Variants in ADGB observed in about 807,000 individuals in gnomAD.
ADGB encodes calpain-7-like protein.
ADGB carries 172 observed loss-of-function variants against 210.5 expected under a neutral mutation model. The observed-to-expected ratio is 0.82, with a 90% confidence interval of 0.72 to 0.93. The LOEUF is 0.93. Ranked by LOEUF, ADGB falls within the 40% of genes least tolerant of loss-of-function variation. ADGB has a pLI of 0.00. For synonymous variants in ADGB, 658 were observed against 662.7 expected (o/e 0.99, Z 0.11); for missense variants, 2,025 against 1,964.8 (o/e 1.03, Z -0.58).
intron 1 of ADGB, among the ~76,000 whole-genome samples, chr6:146,627,051 A>T (rs923305879): frequency 6.6e-6 from 1 of 151,684 alleles, no homozygotes; most frequent in Non-Finnish European, 1.5e-5. Context: ...CTCTCATTTT[A>T]GTTTTTATTT....
intron 2 of ADGB, among the ~76,000 whole-genome samples, chr6:146,641,074 C>T (rs900526706): frequency 6.6e-6 from 1 of 151,852 alleles, no homozygotes; most frequent in Non-Finnish European, 1.5e-5. Flanking sequence ...TTGCAGGATA[C>T]AAATTCAATG....
intron 10 of ADGB, 64 bp from the exon 11 acceptor site, chr6:146,691,052 A>C (rs945573476): frequency 8.7e-6 from 12 of 1,383,596 alleles, no homozygotes; most frequent in Non-Finnish European, 1.0e-5. Context: ...TAGTATTTTT[A>C]CATTGGAAAA....
At chr6:146,641,347 C>G (rs1008708967) in intron 2 of ADGB, among the ~76,000 whole-genome samples, 1 of 151,864 alleles carries the variant, frequency 6.6e-6, no homozygotes, top group Non-Finnish European at 1.5e-5. Flanking sequence ...AGATTCAATG[C>G]TATTCTTATC....
intron 19 of ADGB, among the ~76,000 whole-genome samples, chr6:146,728,013 T>C (rs1157225765): frequency 6.6e-6 from 1 of 152,202 alleles, no homozygotes; most frequent in Non-Finnish European, 1.5e-5. Context: ...ATTTTACTTT[T>C]TTCATGCTGC....
intron 31 of ADGB, 82 bp downstream of exon 31, chr6:146,784,876 C>A: frequency 1.5e-6 from 2 of 1,359,672 alleles, no homozygotes; most frequent in South Asian, 1.5e-5. Context: ...CTGGTAAAAA[C>A]CATATAGCCT....
At chr6:146,680,507 A>G (rs1776143474) in intron 9 of ADGB, among the ~76,000 whole-genome samples, 1 of 152,176 alleles carries the variant, frequency 6.6e-6, no homozygotes, top group African/African-American at 2.4e-5. Context: ...AGGTGAAAAT[A>G]TGTGGTGTCT....
Position 146,715,237 on chromosome 6 carries a change from T to C in ADGB, c.1708-145T>C, listed in dbSNP as rs76642448. The C allele has an allele frequency of 1.2e-4, 79 of 661,374 alleles. No homozygotes were observed. In the African/African-American group the frequency reaches 1.2e-3, roughly 10 times the overall value. The allele number at this position is 661,374 out of a possible 1,614,324, so 41.0% of individuals were successfully genotyped here. A position where few individuals can be genotyped will look rare whatever the true frequency, so the allele number is the denominator to read the frequency against. Reference sequence around the variant, plus strand: ...TTTGACATTTAAAGTTAAAAACAAATTTTTTTGGTAGGTTTTAGTAAATTT... The same window carrying C: ...TTTGACATTTAAAGTTAAAAACAAACTTTTTTGGTAGGTTTTAGTAAATTT... On this transcript the variant is annotated intron_variant, in intron 13 of 35. Coordinates refer to ENST00000397944, the MANE Select transcript of ADGB (RefSeq NM_024694.4).
intron 35 of ADGB, among the ~76,000 whole-genome samples, chr6:146,814,067 A>G (rs1467852747): frequency 6.6e-6 from 1 of 152,102 alleles, no homozygotes; most frequent in Admixed American, 6.5e-5. Flanking sequence ...ATCATCTTCT[A>G]CTTGTGCAAT....
Position 146,716,931 on chromosome 6 carries a change from A to G in ADGB, c.1790A>G (p.Asp597Gly), listed in dbSNP as rs1583603366. Residue 597 changes from aspartate (D) to glycine (G), a missense_variant, in exon 15 of 36, where the codon GAT becomes GGT. By Grantham distance (94) the Asp-to-Gly change is moderately conservative. Coordinates refer to ENST00000397944, the MANE Select transcript of ADGB (RefSeq NM_024694.4). ...GGATTGGGTGATGCTCATCAGAGTG[A>G]TGGATTAAACTTGGAAAGAGAGATA... ...DFGLGDAHQS[D>G]GLNLEREIVS... 1.9e-6 allele frequency: 3 copies of G among 1,551,528 alleles called. No homozygotes were observed. The East Asian group carries it at 7.3e-5, about 38-fold the overall frequency.
intron 20 of ADGB, 133 bp from the exon 21 acceptor site, chr6:146,732,987 T>C: frequency 1.6e-6 from 1 of 644,646 alleles, no homozygotes; most frequent in Non-Finnish European, 2.4e-6. Flanking sequence ...CTTCAAAGAA[T>C]CTTCTGTTAG....
intron 1 of ADGB, among the ~76,000 whole-genome samples, chr6:146,610,442 T>C (rs1461357838): frequency 6.6e-6 from 1 of 152,232 alleles, no homozygotes; most frequent in Non-Finnish European, 1.5e-5. Context: ...ACAGTTCCTG[T>C]GCTGGTTCTT....
chr6:146,757,658 C>G (rs1435738847), intron 27 of ADGB, among the ~76,000 whole-genome samples: 1 of 151,648 alleles, frequency 6.6e-6, no homozygotes, highest in African/African-American at 2.4e-5. Context: ...TCCTTCTGTT[C>G]TGATCCTTAG....
At chr6:146,605,575 C>A (rs569619004) in intron 1 of ADGB, among the ~76,000 whole-genome samples, 1 of 152,124 alleles carries the variant, frequency 6.6e-6, no homozygotes, top group East Asian at 1.9e-4. Context: ...AGTTGAACAG[C>A]AAACTCAGTG....
At chr6:146,716,791 C>A in intron 14 of ADGB, 92 bp from the exon 15 acceptor site, 1 of 1,241,540 alleles carries the variant, frequency 8.1e-7, no homozygotes, top group Non-Finnish European at 1.1e-6. Context: ...CAAAAATAGA[C>A]TTTGATATTT....
At chr6:146,694,897 T>TA (rs1253512307) in intron 12 of ADGB, among the ~76,000 whole-genome samples, 1 of 152,208 alleles carries the variant, frequency 6.6e-6, no homozygotes, top group Non-Finnish European at 1.5e-5. Context: ...TCCTAACTGA[T>TA]ACTGCAATAT....
chr6:146,626,423 C>T (rs1294521683), intron 1 of ADGB, among the ~76,000 whole-genome samples: 1 of 151,632 alleles, frequency 6.6e-6, no homozygotes, highest in African/African-American at 2.4e-5. Flanking sequence ...TTGAGGCCTC[C>T]TTTTATGTTT....
intron 27 of ADGB, among the ~76,000 whole-genome samples, chr6:146,756,667 T>C (rs1300362356): frequency 6.6e-6 from 1 of 152,006 alleles, no homozygotes; most frequent in African/African-American, 2.4e-5. Context: ...TGTACCAATA[T>C]ATTTCCCTTC....
rs914072738 is a variant in ADGB at position 146,691,272 on chromosome 6, A to T, written c.1468A>T (p.Ile490Leu). The T allele has an allele frequency of 1.9e-6, 3 of 1,546,386 alleles. No homozygotes were observed. Among genetic ancestry groups the T allele is most frequent in the Non-Finnish European group, 2.6e-6 (3 of 1,145,860 alleles). Residue 490 changes from isoleucine (I) to leucine (L), a missense_variant, in exon 11 of 36, where the codon ATA becomes TTA. Physicochemically the swap from Ile to Leu is conservative, Grantham distance 5. Coordinates refer to ENST00000397944, the MANE Select transcript of ADGB (RefSeq NM_024694.4). ...CATTCGTCAAAAAAAGGAAACTGTT[A>T]TAACAGATGAAGCTCAAGGTATGTA... ...KLIRQKKETV[I>L]TDEAQELIVK...
chr6:146,691,268 T>C lies in ADGB; in HGVS notation c.1464T>C (p.Thr488=), dbSNP rs2114921715. 6.5e-7 allele frequency: 1 copy of C among 1,546,548 alleles called. No individual in the cohort carries two copies. Among genetic ancestry groups the C allele is most frequent in the Non-Finnish European group, 8.7e-7 (1 of 1,145,938 alleles). ...AACTCATTCGTCAAAAAAAGGAAAC[T>C]GTTATAACAGATGAAGCTCAAGGTA... ...PWKLIRQKKE[T]VITDEAQELI... is the part of the protein sequence containing the mutation. The change falls in exon 11 of 36, where the codon ACT becomes ACC. Residue 488 remains threonine (T), a synonymous_variant. Transcript: ENST00000397944.
Sources: allele counts gnomAD v4.1 joint callset (sites outside exome capture counted in the v4.1 genomes callset), GRCh38; gene constraint gnomAD v4.1.1; transcripts MANE v1.5; gene names NCBI Gene and HGNC (gene_info 2026-07-23, HGNC 2026-07-21).